The following TENM4 variants were observed in gnomAD, a reference collection of about 807,000 sequenced individuals.
The protein encoded by TENM4 is teneurin-4.
TENM4 carries 82 observed loss-of-function variants against 243.3 expected under a neutral mutation model. The ratio of observed to expected loss-of-function variants is 0.34; its 90% CI spans 0.28 to 0.40. The LOEUF is 0.40. Ranked by LOEUF, TENM4 falls within the 10% of genes least tolerant of loss-of-function variation. The probability of loss-of-function intolerance (pLI) is 1.00; values close to 1 mark genes in which losing one functional copy is unlikely to be tolerated. For synonymous variants in TENM4, 1,412 were observed against 1,456.3 expected, an observed-to-expected ratio of 0.97 and a Z score of 0.69; for missense variants, 3,138 against 3,673.3, an observed-to-expected ratio of 0.85 and a Z score of 3.77.
At chr11:79,042,717 C>T (rs1859568123) in intron 6 of TENM4, among the ~76,000 whole-genome samples, 1 of 152,216 alleles carries the variant, frequency 6.6e-6, no homozygotes, top group African/African-American at 2.4e-5. Flanking sequence ...CTGTCCATTT[C>T]CTTTCCCCCA....
chr11:78,928,937 G>A (rs1856610925), intron 6 of TENM4, among the ~76,000 whole-genome samples: 1 of 152,238 alleles, frequency 6.6e-6, no homozygotes, highest in African/African-American at 2.4e-5. Context: ...TTTTGTGTCT[G>A]CATCTTGCAG....
At chr11:79,025,143 G>T (rs1213589824) in intron 6 of TENM4, among the ~76,000 whole-genome samples, 1 of 152,144 alleles carries the variant, frequency 6.6e-6, no homozygotes, top group East Asian at 1.9e-4. Flanking sequence ...ATAAGATTTG[G>T]CTAAGTACCC....
intron 9 of TENM4, among the ~76,000 whole-genome samples, chr11:78,866,890 G>A (rs753720263): frequency 6.6e-6 from 1 of 152,204 alleles, no homozygotes; most frequent in Non-Finnish European, 1.5e-5. Context: ...TGGAAAGTAA[G>A]GAGTAGGATG....
rs370272010 is a variant in TENM4 at position 78,787,045 on chromosome 11, C to T, written c.2218G>A (p.Val740Ile). 15 of 1,552,334 alleles carry T rather than the reference C, an allele frequency of 9.7e-6. No individual in the cohort carries two copies. The highest frequency in any genetic ancestry group is 7.1e-5 in the South Asian group (6 of 84,078). The change falls in exon 16 of 34, where the codon GTA (valine) becomes ATA (isoleucine). Residue 740 changes from valine to isoleucine, a missense_variant. By Grantham distance (29) the Val-to-Ile change is conservative. Transcript: ENST00000278550. ...TCCTCGCAGCGGCAGGTGCCCCCTACGCACACGCCATGGCCACCACAGTCG... is the reference window on the plus strand; with the variant it reads ...TCCTCGCAGCGGCAGGTGCCCCCTATGCACACGCCATGGCCACCACAGTCG... ...AADCGGHGVCVGGTCRCEDGW... is the reference protein window; with the variant it reads ...AADCGGHGVCIGGTCRCEDGW...
At chr11:79,086,835 CAA>C (rs371315703) in intron 4 of TENM4, among the ~76,000 whole-genome samples, 17 of 89,052 alleles carry the variant, frequency 1.9e-4, no homozygotes, top group Admixed American at 2.9e-4. Context: ...CTCTGTCTCG[CAA>C]AAAAAAAAAA....
In TENM4 at chr11:79,117,864, G is replaced by A. The variant is rs561322528; in HGVS notation, c.-66+30846C>T. On this transcript the variant is annotated intron_variant, in intron 4 of 33. Coordinates refer to ENST00000278550, the MANE Select transcript of TENM4 (RefSeq NM_001098816.3). ...GGTTGAATGGAATAACTCCTAATTA[G>A]CCATCAACACACACTAGTTCCCTTT... 1.7e-4 allele frequency among the ~76,000 whole-genome samples: 26 copies of A among 152,262 alleles called. No individual in the cohort carries two copies. In the South Asian group the frequency reaches 4.6e-3, roughly 27 times the overall value.
chr11:78,869,369 T>C (rs1245951538), intron 9 of TENM4, among the ~76,000 whole-genome samples: 1 of 152,210 alleles, frequency 6.6e-6, no homozygotes, highest in African/African-American at 2.4e-5. Flanking sequence ...AAACAATTTG[T>C]AAAGAAATAC....
In TENM4 at chr11:78,903,536, C is replaced by A. The variant is rs922005548; in HGVS notation, c.494-13G>T. The A allele has an allele frequency of 7.1e-6, 11 of 1,544,360 alleles. No individual in the cohort carries two copies. Among genetic ancestry groups the A allele is most frequent in the African/African-American group, 5.5e-5 (4 of 72,988 alleles). ...CCGCCCGGATGATCTAGGGCACAAACATGGCGGTCAGCGGCGGTGAGCTTG... is the reference window on the plus strand; with the variant it reads ...CCGCCCGGATGATCTAGGGCACAAAAATGGCGGTCAGCGGCGGTGAGCTTG... On this transcript the variant is annotated splice_polypyrimidine_tract_variant and intron_variant, in intron 6 of 33. Coordinates refer to ENST00000278550, the MANE Select transcript of TENM4 (RefSeq NM_001098816.3).
At chr11:79,403,788 A>G (rs1285553616) in intron 1 of TENM4, among the ~76,000 whole-genome samples, 1 of 152,038 alleles carries the variant, frequency 6.6e-6, no homozygotes, top group Non-Finnish European at 1.5e-5. Context: ...AAGCAAAGCT[A>G]TGAGGCCAAA....
At chr11:79,346,383 G>T (rs984766481) in intron 1 of TENM4, among the ~76,000 whole-genome samples, 1 of 152,072 alleles carries the variant, frequency 6.6e-6, no homozygotes, top group Non-Finnish European at 1.5e-5. Context: ...GAGAATTAAT[G>T]CAGACAGATG....
chr11:78,935,581 T>C (rs778109599), intron 6 of TENM4, among the ~76,000 whole-genome samples: 9 of 152,156 alleles, frequency 5.9e-5, no homozygotes, highest in Non-Finnish European at 8.8e-5. Flanking sequence ...TTGGGTTGGG[T>C]TGGAAATGAC....
intron 12 of TENM4, among the ~76,000 whole-genome samples, chr11:78,830,285 G>A (rs1591055433): frequency 6.6e-6 from 1 of 152,046 alleles, no homozygotes; most frequent in Non-Finnish European, 1.5e-5. Flanking sequence ...CCTCGGTGGT[G>A]CCCATGACCA....
chr11:79,359,495 AT>A (rs1259368083), intron 1 of TENM4, among the ~76,000 whole-genome samples: 1 of 152,206 alleles, frequency 6.6e-6, no homozygotes, highest in Non-Finnish European at 1.5e-5. Context: ...GATATTGATC[AT>A]TGTTGAAGCT....
intron 11 of TENM4, 116 bp downstream of exon 11, chr11:78,855,848 T>C (rs1858668343): frequency 3.0e-6 from 3 of 989,018 alleles, no homozygotes; most frequent in Non-Finnish European, 4.5e-6. Context: ...GAATGGGCTA[T>C]AAAATATATA....
chr11:79,092,295 G>A (rs17137691), intron 4 of TENM4, among the ~76,000 whole-genome samples: 46,908 of 152,076 alleles, frequency 0.31, 7,431 homozygotes, highest in East Asian at 0.42. Context: ...GTGGCAATGC[G>A]TGAGATGTTT....
chr11:78,927,911 A>C (rs773556228), intron 6 of TENM4, among the ~76,000 whole-genome samples: 10 of 152,050 alleles, frequency 6.6e-5, no homozygotes, highest in Non-Finnish European at 1.3e-4. Context: ...GGTGATAGCC[A>C]CAGCTTCCAT....
chr11:78,765,940 T>C lies in TENM4; in HGVS notation c.2539+5052A>G, dbSNP rs139113593. On this transcript the variant is annotated intron_variant, in intron 18 of 33. Coordinates refer to ENST00000278550, the MANE Select transcript of TENM4 (RefSeq NM_001098816.3). ...AAATGAAAAAGATGAAAACATATTA[T>C]ATAGAGAAATATACCATAATCTTAA... 5.3e-5 allele frequency among the ~76,000 whole-genome samples: 8 copies of C among 152,304 alleles called. No individual in the cohort carries two copies. The East Asian group carries it at 1.5e-3, about 29-fold the overall frequency.
intron 1 of TENM4, among the ~76,000 whole-genome samples, chr11:79,340,501 G>A (rs1857224278): frequency 6.6e-6 from 1 of 152,170 alleles, no homozygotes; most frequent in Non-Finnish European, 1.5e-5. Flanking sequence ...GGAATGTCAA[G>A]ATTTCCTGCA....
rs748592125 is a variant in TENM4 at position 78,721,467 on chromosome 11, G to A, written c.3801-1077C>T. Among the ~76,000 whole-genome samples the A allele has an allele frequency of 7.9e-5, 12 of 152,314 alleles. No homozygotes were observed. In the South Asian group the frequency reaches 1.2e-3, roughly 16 times the overall value. ...TTACCTCCAGGGAGGAACTTAACAA[G>A]GCATTAAGTCGAAGTGGCTCTCATT... On this transcript the variant is annotated intron_variant, in intron 24 of 33. Coordinates refer to ENST00000278550, the MANE Select transcript of TENM4 (RefSeq NM_001098816.3).
Sources: gnomAD v4.1 joint callset for allele counts (sites outside exome capture counted in the v4.1 genomes callset) on GRCh38, gnomAD v4.1.1 for gene constraint, MANE v1.5 for transcripts, NCBI Gene and HGNC (gene_info 2026-07-23, HGNC 2026-07-21) for gene names.